NRG3: variants seen among roughly 807,000 people sequenced by gnomAD.
The protein encoded by NRG3 is pro-neuregulin-3, membrane-bound isoform.
NRG3 carries 31 observed loss-of-function variants against 66.9 expected under a neutral mutation model. That is an observed-to-expected ratio of 0.46 (90% CI 0.35 to 0.63). NRG3 has a LOEUF of 0.63. NRG3 is among the 20% of genes least tolerant of loss of function. The pLI is 0.00. For missense variants in NRG3, 910 were observed against 878.9 expected, an observed-to-expected ratio of 1.04 and a Z score of -0.45; for synonymous variants, 393 against 359.4, an observed-to-expected ratio of 1.09 and a Z score of -1.06.
intron 1 of NRG3, among the ~76,000 whole-genome samples, chr10:82,146,014 G>A (rs1237539221): frequency 6.6e-6 from 1 of 152,110 alleles, no homozygotes; most frequent in African/African-American, 2.4e-5. Context: ...CATATTTGCT[G>A]GGAGTGGCTG....
At chr10:81,962,948 A>G (rs547175011) in intron 1 of NRG3, among the ~76,000 whole-genome samples, 57 of 152,252 alleles carry the variant, frequency 3.7e-4, no homozygotes, top group African/African-American at 1.1e-3. Flanking sequence ...ACCTCTGCTT[A>G]TAACCGACAC....
At chr10:82,745,769 T>C (rs552037404) in intron 3 of NRG3, among the ~76,000 whole-genome samples, 38 of 152,300 alleles carry the variant, frequency 2.5e-4, no homozygotes, top group African/African-American at 8.9e-4. Context: ...TAATTTTATT[T>C]ACAAGAAAGG....
At position 82,359,742 on chromosome 10, in the gene NRG3, C is replaced by T. The variant is rs1040393661; in HGVS notation, c.953+874C>T. ...TTTTCTTCTCTTTATTTACTCTTCT[C>T]GTATGACACAGTTATTAAATTAATT... On this transcript the variant is annotated intron_variant, in intron 2 of 8. Transcript: ENST00000372141. Among the ~76,000 whole-genome samples the T allele has an allele frequency of 4.6e-5, 7 of 152,088 alleles. No homozygotes were observed. The South Asian group carries it at 1.0e-3, about 23-fold the overall frequency.
chr10:82,666,052 G>A (rs1411946865), intron 2 of NRG3, among the ~76,000 whole-genome samples: 2 of 152,148 alleles, frequency 1.3e-5, no homozygotes, highest in Non-Finnish European at 2.9e-5. Flanking sequence ...AGTAGAGACA[G>A]GGTTTCGCCA....
intron 2 of NRG3, among the ~76,000 whole-genome samples, chr10:82,498,442 C>A (rs1843825225): frequency 6.6e-6 from 1 of 152,078 alleles, no homozygotes; most frequent in Non-Finnish European, 1.5e-5. Context: ...TGAAAAAATT[C>A]TGTCTTTTAA....
rs58207549 is a variant in NRG3, at chr10:82,334,798, G to T, written c.824-23941G>T. On this transcript the variant is annotated intron_variant, in intron 1 of 8. Coordinates refer to ENST00000372141, the MANE Select transcript of NRG3 (RefSeq NM_001010848.4). ...TTTCAGTTATTGAATGGAATAATATGCAGTTCTTCTCTTAATAAAATTAAT... is the reference window on the plus strand; with the variant it reads ...TTTCAGTTATTGAATGGAATAATATTCAGTTCTTCTCTTAATAAAATTAAT... 1.8e-3 allele frequency among the ~76,000 whole-genome samples: 280 copies of T among 152,146 alleles called. 2 individuals are homozygous for T. Among genetic ancestry groups the T allele is most frequent in the African/African-American group, 6.6e-3 (273 of 41,502 alleles).
chr10:81,962,778 A>G (rs917118044), intron 1 of NRG3, among the ~76,000 whole-genome samples: 30 of 151,594 alleles, frequency 2.0e-4, no homozygotes, highest in African/African-American at 6.8e-4. Flanking sequence ...CACATGTCCA[A>G]CCTCCTTGGA....
intron 1 of NRG3, among the ~76,000 whole-genome samples, chr10:81,942,652 CCTTAT>C (rs1291392839): frequency 6.6e-6 from 1 of 152,062 alleles, no homozygotes; most frequent in Non-Finnish European, 1.5e-5. Flanking sequence ...ACATTGAGCC[CCTTAT>C]CTTTCCTCAA....
rs35572219 is a variant in NRG3, at chr10:82,479,664, C to CAAA, written c.953+120816_953+120818dup. Among the ~76,000 whole-genome samples the CAAA allele has an allele frequency of 3.6e-3, 216 of 59,382 alleles. 5 individuals are homozygous for CAAA. The highest frequency in any genetic ancestry group is 0.014 in the African/African-American group (204 of 14,288). 39.0% of individuals were successfully genotyped at this position (59,382 alleles called of 152,430 possible). A position where few individuals can be genotyped will look rare whatever the true frequency, so the allele number is the denominator to read the frequency against. On this transcript the variant is annotated intron_variant, in intron 2 of 8. Coordinates refer to ENST00000372141, the MANE Select transcript of NRG3 (RefSeq NM_001010848.4). ...GGACAACAAGAGCAAAACTCTGTCT[C>CAAA]AAAAAAAAAAAAAAAAAAAAAAGCC...
At chr10:82,286,079 C>A (rs1374917840) in intron 1 of NRG3, among the ~76,000 whole-genome samples, 1 of 152,118 alleles carries the variant, frequency 6.6e-6, no homozygotes, top group Non-Finnish European at 1.5e-5. Flanking sequence ...ACTAAATCCA[C>A]CTGTGTGTTC....
chr10:82,412,841 AC>A (rs199513365), intron 2 of NRG3, among the ~76,000 whole-genome samples: 3,016 of 151,180 alleles, frequency 0.02, 79 homozygotes, highest in African/African-American at 0.068. Context: ...TAACAAACAA[AC>A]AAAAAAACAC....
intron 2 of NRG3, among the ~76,000 whole-genome samples, chr10:82,664,634 A>G (rs938320242): frequency 1.3e-5 from 2 of 152,090 alleles, no homozygotes; most frequent in African/African-American, 2.4e-5. Context: ...AGGCTTATGG[A>G]TGGAGGGTCT....
At chr10:82,281,212 G>A (rs2134442229) in intron 1 of NRG3, among the ~76,000 whole-genome samples, 1 of 152,200 alleles carries the variant, frequency 6.6e-6, no homozygotes, top group Admixed American at 6.5e-5. Flanking sequence ...GTAGGTTCCT[G>A]AGCTAATTTC....
intron 3 of NRG3, among the ~76,000 whole-genome samples, chr10:82,819,190 G>A (rs1269408294): frequency 6.6e-6 from 1 of 152,084 alleles, no homozygotes; most frequent in African/African-American, 2.4e-5. Context: ...CTTAAAACTA[G>A]GTTAGCTATT....
rs570021851 is a variant in NRG3, at chr10:82,433,414, T to C, written c.953+74546T>C. Among the ~76,000 whole-genome samples the C allele has an allele frequency of 1.2e-3, 176 of 152,336 alleles. 1 individual carries two copies. Among genetic ancestry groups the C allele is most frequent in the African/African-American group, 3.9e-3 (161 of 41,576 alleles). ...CAAAAGTGTTCTCCCATTCTGTAGA[T>C]TGCCTGTTCACTCTGATGATAATTT... On this transcript the variant is annotated intron_variant, in intron 2 of 8. Coordinates refer to ENST00000372141, the MANE Select transcript of NRG3 (RefSeq NM_001010848.4).
chr10:82,078,484 G>A (rs1415175286), intron 1 of NRG3, among the ~76,000 whole-genome samples: 2 of 152,172 alleles, frequency 1.3e-5, no homozygotes, highest in Non-Finnish European at 2.9e-5. Context: ...CCGAGTAGCT[G>A]GGACTACAGG....
intron 2 of NRG3, among the ~76,000 whole-genome samples, chr10:82,716,600 A>C (rs2134450492): frequency 6.6e-6 from 1 of 152,312 alleles, no homozygotes; most frequent in South Asian, 2.1e-4. Context: ...GACCCCTGAT[A>C]AATTAACGTT....
At chr10:82,166,942 G>T (rs925487651) in intron 1 of NRG3, 1 of 455,694 alleles carries the variant, frequency 2.2e-6, no homozygotes. Context: ...CTTCTTGCTC[G>T]CATTATTTTG....
intron 2 of NRG3, among the ~76,000 whole-genome samples, chr10:82,387,738 A>G (rs535480440): frequency 1.1e-4 from 16 of 152,302 alleles, no homozygotes; most frequent in African/African-American, 2.9e-4. Context: ...TCTTTGTTCT[A>G]GAAAGACTTT....
Sources: allele counts gnomAD v4.1 joint callset (sites outside exome capture counted in the v4.1 genomes callset), GRCh38; gene constraint gnomAD v4.1.1; transcripts MANE v1.5; gene names NCBI Gene and HGNC (gene_info 2026-07-23, HGNC 2026-07-21).